Variants in TRDN observed in about 807,000 individuals in gnomAD.
The protein encoded by TRDN is triadin.
In TRDN, 161 loss-of-function variants were observed where a neutral mutation model predicts 149.7. That is an observed-to-expected ratio of 1.08 (90% CI 0.95 to 1.23). The LOEUF (loss-of-function observed/expected upper bound fraction) is 1.23, where lower values mean the gene tolerates loss of function less well. TRDN is among the 50% of genes most tolerant of loss of function. The pLI is 0.00. For missense variants in TRDN, 896 were observed against 823.5 expected (o/e 1.09, Z -1.08); for synonymous variants, 294 against 250.5 (o/e 1.17, Z -1.64).
At chr6:123,324,474 C>T (rs774198091) in intron 23 of TRDN, among the ~76,000 whole-genome samples, 7 of 151,742 alleles carry the variant, frequency 4.6e-5, no homozygotes, top group East Asian at 3.9e-4. Context: ...AAAAACAAAA[C>T]GAAACAAAAT....
intron 4 of TRDN, among the ~76,000 whole-genome samples, chr6:123,541,327 C>T (rs1780824740): frequency 6.6e-6 from 1 of 152,136 alleles, no homozygotes; most frequent in Non-Finnish European, 1.5e-5. Context: ...TTGTTTCATC[C>T]TGGGTCACTT....
At chr6:123,417,643 G>A in intron 12 of TRDN, among the ~76,000 whole-genome samples, 1 of 152,092 alleles carries the variant, frequency 6.6e-6, no homozygotes, top group Non-Finnish European at 1.5e-5. Context: ...AATTGCACAA[G>A]CTGGCATTTA....
intron 40 of TRDN, among the ~76,000 whole-genome samples, chr6:123,220,037 A>G (rs986033507): frequency 6.6e-6 from 1 of 151,946 alleles, no homozygotes; most frequent in Non-Finnish European, 1.5e-5. Context: ...TTAAAGGCTC[A>G]TGAATATCAG....
chr6:123,233,465 C>T (rs1336838577), intron 38 of TRDN, among the ~76,000 whole-genome samples: 1 of 152,076 alleles, frequency 6.6e-6, no homozygotes, highest in Admixed American at 6.6e-5. Context: ...GCGACCCTTT[C>T]TTAGTGTCTG....
At chr6:123,572,384 G>T (rs980989909) in intron 1 of TRDN, among the ~76,000 whole-genome samples, 6 of 151,906 alleles carry the variant, frequency 3.9e-5, no homozygotes, top group Non-Finnish European at 4.4e-5. Flanking sequence ...TATACAGAAC[G>T]TACATCTAAC....
chr6:123,334,053 G>A (rs771633495), intron 22 of TRDN, among the ~76,000 whole-genome samples: 3 of 152,062 alleles, frequency 2.0e-5, no homozygotes, highest in Non-Finnish European at 2.9e-5. Flanking sequence ...AGGCAGTAAC[G>A]AGGAACTGGG....
rs373422898 is a variant in TRDN at position 123,278,174 on chromosome 6, T to C, written c.1567+144A>G. ...TAGAAATGGGTAGCATAGAGAAATA[T>C]ATATTTTGTTAGTTTTTTTTTAAGT... On this transcript the variant is annotated intron_variant, in intron 26 of 40. Coordinates refer to ENST00000334268, the MANE Select transcript of TRDN (RefSeq NM_006073.4). 7 of 525,972 alleles carry C rather than the reference T, an allele frequency of 1.3e-5. No individual in the cohort carries two copies. In the East Asian group the frequency reaches 1.9e-4, roughly 14 times the overall value. The allele number at this position is 525,972 out of a possible 1,614,324, so 32.6% of individuals were successfully genotyped here. A position where few individuals can be genotyped will look rare whatever the true frequency, so the allele number is the denominator to read the frequency against.
intron 9 of TRDN, among the ~76,000 whole-genome samples, chr6:123,480,334 T>C (rs1314916370): frequency 2.6e-5 from 4 of 151,804 alleles, no homozygotes; most frequent in East Asian, 1.9e-4. Context: ...GCTTAATTTA[T>C]ATCCCTCGGC....
At position 123,592,372 on chromosome 6, in the gene TRDN, A is replaced by G. The variant is rs530887672; in HGVS notation, c.23-21240T>C. Among the ~76,000 whole-genome samples, 28 of 152,354 alleles carry G rather than the reference A, an allele frequency of 1.8e-4. No homozygotes were observed. In the East Asian group the frequency reaches 4.6e-3, roughly 25 times the overall value. Reference sequence around the variant, plus strand: ...CTCAGCATCTAAAGGAGGTTAAAAAATAAATGAAAAATGAGACCCTTGTCC... The same window carrying G: ...CTCAGCATCTAAAGGAGGTTAAAAAGTAAATGAAAAATGAGACCCTTGTCC... On this transcript the variant is annotated intron_variant, in intron 1 of 40. Coordinates refer to ENST00000334268, the MANE Select transcript of TRDN (RefSeq NM_006073.4).
chr6:123,569,158 C>T (rs185788729), intron 2 of TRDN, among the ~76,000 whole-genome samples: 26 of 152,334 alleles, frequency 1.7e-4, no homozygotes, highest in Middle Eastern at 3.4e-3. Flanking sequence ...CAGGTCCGTA[C>T]TTCTACAGAT....
intron 1 of TRDN, among the ~76,000 whole-genome samples, chr6:123,615,919 A>G (rs1035977362): frequency 6.6e-6 from 1 of 152,232 alleles, no homozygotes; most frequent in Non-Finnish European, 1.5e-5. Context: ...CCCAACAAAA[A>G]GAAATGATAA....
At position 123,361,526 on chromosome 6, in the gene TRDN, AAGAG is replaced by A. The variant is rs547258197; in HGVS notation, c.1321+4605_1321+4608del. ...CAGAACTTAAAGTATAATAAAAAAAAAGAGAGAGAGAGAGATGGATATGGGTTAA... is the reference window on the plus strand; with the variant it reads ...CAGAACTTAAAGTATAATAAAAAAAAAGAGAGAGAGATGGATATGGGTTAA... On this transcript the variant is annotated intron_variant, in intron 20 of 40. Coordinates refer to ENST00000334268, the MANE Select transcript of TRDN (RefSeq NM_006073.4). Among the ~76,000 whole-genome samples, 15 of 151,886 alleles carry A rather than the reference AAGAG, an allele frequency of 9.9e-5. No homozygotes were observed. In the East Asian group the frequency reaches 2.3e-3, roughly 24 times the overall value.
intron 38 of TRDN, among the ~76,000 whole-genome samples, chr6:123,228,666 G>T (rs1005600289): frequency 6.6e-6 from 1 of 151,894 alleles, no homozygotes; most frequent in Non-Finnish European, 1.5e-5. Context: ...TTCAAGATGA[G>T]ATTTGGGTGG....
chr6:123,581,728 C>T (rs1388390658), intron 1 of TRDN, among the ~76,000 whole-genome samples: 1 of 151,906 alleles, frequency 6.6e-6, no homozygotes, highest in South Asian at 2.1e-4. Flanking sequence ...TTTGCTGGTC[C>T]AAAGAAGGCT....
intron 9 of TRDN, among the ~76,000 whole-genome samples, chr6:123,479,535 T>A (rs7749148): frequency 6.6e-6 from 1 of 152,036 alleles, no homozygotes; most frequent in Admixed American, 6.6e-5. Flanking sequence ...TGAAGAGTGT[T>A]TTAGCGCCAG....
chr6:123,342,112 T>C (rs912831729), intron 21 of TRDN, among the ~76,000 whole-genome samples: 6 of 151,954 alleles, frequency 3.9e-5, no homozygotes, highest in African/African-American at 1.4e-4. Flanking sequence ...GATATTCTTA[T>C]CCTTATGCGC....
chr6:123,368,514 G>A (rs1016054580), intron 19 of TRDN, among the ~76,000 whole-genome samples: 2 of 152,134 alleles, frequency 1.3e-5, no homozygotes, highest in African/African-American at 2.4e-5. Flanking sequence ...TGAGTCTGGC[G>A]TGAGCCCTGA....
intron 13 of TRDN, among the ~76,000 whole-genome samples, chr6:123,391,583 C>T (rs1772472484): frequency 6.6e-6 from 1 of 151,822 alleles, no homozygotes; most frequent in South Asian, 2.1e-4. Flanking sequence ...ATTTTGTTGC[C>T]TCCTCAGTGT....
At chr6:123,422,619 G>A (rs538696652) in intron 12 of TRDN, among the ~76,000 whole-genome samples, 6 of 152,140 alleles carry the variant, frequency 3.9e-5, no homozygotes, top group African/African-American at 1.4e-4. Flanking sequence ...ACACATAAAA[G>A]TTCCCCTACA....
Sources: allele counts gnomAD v4.1 joint callset (sites outside exome capture counted in the v4.1 genomes callset), GRCh38; gene constraint gnomAD v4.1.1; transcripts MANE v1.5; gene names NCBI Gene and HGNC (gene_info 2026-07-23, HGNC 2026-07-21).